The following RNF144A variants were observed in gnomAD, a reference collection of about 807,000 sequenced individuals.
RNF144A encodes the protein ring finger protein 144A, also known as E3 ubiquitin-protein ligase RNF144A.
Under a neutral mutation model 38.7 loss-of-function variants are expected in RNF144A, and 11 were observed. That is an observed-to-expected ratio of 0.28 (90% CI 0.18 to 0.47). The LOEUF (loss-of-function observed/expected upper bound fraction) is 0.47. Ranked by LOEUF, RNF144A falls within the 20% of genes least tolerant of loss-of-function variation. RNF144A has a pLI of 0.99. For synonymous variants in RNF144A, 149 were observed against 143.9 expected, an observed-to-expected ratio of 1.04 and a Z score of -0.25; for missense variants, 316 against 377.2, an observed-to-expected ratio of 0.84 and a Z score of 1.34.
rs769990577 is a variant in RNF144A at position 6,934,873 on chromosome 2, G to A, written c.-211-6075G>A. Reference sequence around the variant, plus strand: ...TAACCTGTTTCTTCTTCTGTAAGACGCAGCTATTTTGCAGTAGCTGTGCTT... The same window carrying A: ...TAACCTGTTTCTTCTTCTGTAAGACACAGCTATTTTGCAGTAGCTGTGCTT... On this transcript the variant is annotated intron_variant, in intron 1 of 8. Coordinates refer to ENST00000320892, the MANE Select transcript of RNF144A (RefSeq NM_014746.6). Among the ~76,000 whole-genome samples, 8 of 152,180 alleles carry A rather than the reference G, an allele frequency of 5.3e-5. No homozygotes were observed. In the East Asian group the frequency reaches 5.8e-4, roughly 11 times the overall value.
chr2:6,987,211 A>G (rs1669018137), intron 2 of RNF144A, among the ~76,000 whole-genome samples: 1 of 152,164 alleles, frequency 6.6e-6, no homozygotes, highest in South Asian at 2.1e-4. Flanking sequence ...CCTGCCATGA[A>G]TAGCAATTGT....
intron 6 of RNF144A, among the ~76,000 whole-genome samples, chr2:7,067,192 A>G (rs1558473474): frequency 6.6e-6 from 1 of 152,126 alleles, no homozygotes; most frequent in Non-Finnish European, 1.5e-5. Context: ...TACACACTGG[A>G]CTGGATCCTG....
chr2:6,980,235 C>G lies in RNF144A; in HGVS notation c.-11-16681C>G, dbSNP rs560142740. ...CAGATATCGTGTCCTTTCCACATTT[C>G]AAAACCAATCATGCTCTCCAACAGC... On this transcript the variant is annotated intron_variant, in intron 2 of 8. Transcript: ENST00000320892. 7.2e-4 allele frequency among the ~76,000 whole-genome samples: 109 copies of G among 152,306 alleles called. 1 individual carries two copies. The highest frequency in any genetic ancestry group is 3.4e-3 in the Middle Eastern group (1 of 294).
At chr2:7,047,332 ATGC>A (rs1673346956), downstream of RNF144A, among the ~76,000 whole-genome samples, 4 of 152,150 alleles carry the variant, frequency 2.6e-5, no homozygotes, top group Admixed American at 2.6e-4. Context: ...GTCCATTTTC[ATGC>A]TGCTGATTAA....
chr2:7,074,589 C>G, the RNF144A span: 1 of 152,146 alleles, frequency 6.6e-6, no homozygotes, highest in Non-Finnish European at 1.5e-5. Context: ...TAGTACTCCT[C>G]TTTATTGTAT....
intron 7 of RNF144A, among the ~76,000 whole-genome samples, chr2:7,025,061 G>A (rs1460943253): frequency 1.3e-5 from 2 of 152,156 alleles, no homozygotes; most frequent in African/African-American, 4.8e-5. Context: ...CATCTACAGG[G>A]CGGGAAAACG....
intron 2 of RNF144A, among the ~76,000 whole-genome samples, chr2:6,981,857 C>G (rs1322772490): frequency 6.6e-6 from 1 of 152,172 alleles, no homozygotes; most frequent in Non-Finnish European, 1.5e-5. Flanking sequence ...ACTACCGGCC[C>G]ACAGGTAGTA....
Position 6,944,141 on chromosome 2 carries a change from G to A in RNF144A, c.-12+2994G>A, listed in dbSNP as rs773165438. The stretch of plus-strand genomic sequence containing the variant: ...CAGGGAAGTGAGGAGAGAGGACAGC[G>A]GGTCTGAGGGAGGAAGGAGCAGAGG... On this transcript the variant is annotated intron_variant, in intron 2 of 8. Transcript: ENST00000320892. This position sits in a 1 kb window ranked among gnomAD's most constrained non-coding sequence, Gnocchi z 4.7. Among the ~76,000 whole-genome samples the A allele has an allele frequency of 9.2e-5, 14 of 152,148 alleles. No homozygotes were observed. Among genetic ancestry groups the A allele is most frequent in the Non-Finnish European group, 1.5e-4 (10 of 68,018 alleles).
downstream of RNF144A, among the ~76,000 whole-genome samples, chr2:7,069,467 A>G (rs948066328): frequency 2.0e-5 from 3 of 151,962 alleles, no homozygotes; most frequent in Admixed American, 6.6e-5. Context: ...CAATACCTTC[A>G]TTTCCTTCAC....
chr2:7,074,015 A>G, the RNF144A span, among the ~76,000 whole-genome samples: 1 of 152,270 alleles, frequency 6.6e-6, no homozygotes. Flanking sequence ...ACTTTAGAAC[A>G]GAGCCCTTGC....
rs1051410513 is a variant in RNF144A, at chr2:6,979,142, G to T, written c.-11-17774G>T. 2.0e-5 allele frequency among the ~76,000 whole-genome samples: 3 copies of T among 152,192 alleles called. No individual in the cohort carries two copies. In the East Asian group the frequency reaches 5.8e-4, roughly 29 times the overall value. On this transcript the variant is annotated intron_variant, in intron 2 of 8. Coordinates refer to ENST00000320892, the MANE Select transcript of RNF144A (RefSeq NM_014746.6). ...GCTGGGATAGGGGCTCAGCCTTGTG[G>T]ATCTGAGGGATGTTGGACAGAGATG...
At chr2:6,928,366 G>C (rs1205980491) in intron 1 of RNF144A, among the ~76,000 whole-genome samples, 1 of 152,206 alleles carries the variant, frequency 6.6e-6, no homozygotes, top group Non-Finnish European at 1.5e-5. Context: ...CCACCTGCCT[G>C]TGTGTTTACC....
intron 6 of RNF144A, among the ~76,000 whole-genome samples, chr2:7,063,674 C>T (rs1297611421): frequency 6.6e-6 from 1 of 152,098 alleles, no homozygotes; most frequent in East Asian, 1.9e-4. Context: ...AGAAGGTACA[C>T]TCAGAAGTGG....
intron 1 of RNF144A, among the ~76,000 whole-genome samples, chr2:6,924,164 G>A (rs1446217304): frequency 1.1e-4 from 16 of 152,230 alleles, no homozygotes; most frequent in Non-Finnish European, 5.9e-5. Context: ...ATTTGCTTGG[G>A]TTTAAGAGTG....
At chr2:6,970,814 C>T (rs1667959685) in intron 2 of RNF144A, among the ~76,000 whole-genome samples, 1 of 152,196 alleles carries the variant, frequency 6.6e-6, no homozygotes, top group Non-Finnish European at 1.5e-5. Flanking sequence ...TTATTCTCAC[C>T]ATCTGATGGC....
At chr2:6,931,707 C>T (rs1342146192) in intron 1 of RNF144A, among the ~76,000 whole-genome samples, 1 of 152,110 alleles carries the variant, frequency 6.6e-6, no homozygotes, top group Non-Finnish European at 1.5e-5. Flanking sequence ...TAGAGGTGTG[C>T]TGTTTAATCT....
At chr2:6,989,117 T>C (rs13019196) in intron 2 of RNF144A, among the ~76,000 whole-genome samples, 42,203 of 152,146 alleles carry the variant, frequency 0.28, 6,291 homozygotes, top group Non-Finnish European at 0.34. Context: ...TGTTGCAAAC[T>C]GGGATGTCAT....
At chr2:7,069,227 G>A (rs1674360414), downstream of RNF144A, among the ~76,000 whole-genome samples, 1 of 152,190 alleles carries the variant, frequency 6.6e-6, no homozygotes, top group Admixed American at 6.5e-5. Context: ...GCCTCCCACT[G>A]TCTCCTGCAT....
chr2:6,946,924 G>T (rs1666377882), intron 2 of RNF144A, among the ~76,000 whole-genome samples: 2 of 152,112 alleles, frequency 1.3e-5, no homozygotes, highest in South Asian at 4.1e-4. Context: ...GTTTACTTTT[G>T]TGGGAAGATC....
Sources: allele counts gnomAD v4.1 joint callset (sites outside exome capture counted in the v4.1 genomes callset), GRCh38; gene constraint gnomAD v4.1.1; non-coding constraint Gnocchi (gnomAD v3.1); transcripts MANE v1.5; gene names NCBI Gene and HGNC (gene_info 2026-07-23, HGNC 2026-07-21).